NRXN3: variants seen among roughly 807,000 people sequenced by gnomAD.
NRXN3 encodes neurexin 3, also known as neurexin III.
NRXN3 carries 32 observed loss-of-function variants against 137.6 expected under a neutral mutation model. The ratio of observed to expected loss-of-function variants is 0.23; its 90% CI spans 0.18 to 0.31. The LOEUF is 0.31. Among genes scored for constraint, NRXN3 ranks in the 10% least tolerant of loss-of-function variants. The probability of loss-of-function intolerance (pLI) is 1.00; values close to 1 mark genes in which losing one functional copy is unlikely to be tolerated. For synonymous variants in NRXN3, 798 were observed against 784.5 expected (o/e 1.02, Z -0.29); for missense variants, 1,574 against 2,062.5 (o/e 0.76, Z 4.59).
chr14:78,588,287 C>T (rs1399340262), intron 4 of NRXN3, among the ~76,000 whole-genome samples: 1 of 152,204 alleles, frequency 6.6e-6, no homozygotes, highest in African/African-American at 2.4e-5. Flanking sequence ...GTTCCACCCT[C>T]ATCATGTTAT....
intron 1 of NRXN3, among the ~76,000 whole-genome samples, chr14:78,181,758 T>A (rs146108524): frequency 2.0e-5 from 3 of 152,334 alleles, no homozygotes; most frequent in Non-Finnish European, 2.9e-5. Context: ...GGGCTCATTT[T>A]AAATTTTTCT....
intron 15 of NRXN3, among the ~76,000 whole-genome samples, chr14:79,361,211 G>C (rs540058329): frequency 2.0e-5 from 3 of 152,272 alleles, no homozygotes; most frequent in African/African-American, 7.2e-5. Context: ...AAACCATAAT[G>C]CATGCATGTA....
chr14:78,677,953 T>C (rs1217999368), intron 6 of NRXN3, among the ~76,000 whole-genome samples: 1 of 152,162 alleles, frequency 6.6e-6, no homozygotes, highest in Non-Finnish European at 1.5e-5. Flanking sequence ...AATTAAGGTT[T>C]GTACATTGTG....
chr14:78,448,421 T>C (rs2094472787), intron 4 of NRXN3, among the ~76,000 whole-genome samples: 1 of 152,120 alleles, frequency 6.6e-6, no homozygotes, highest in Non-Finnish European at 1.5e-5. Context: ...ATTAAGAACA[T>C]TGGGTTTGGG....
chr14:78,754,916 C>T (rs1221903223), intron 8 of NRXN3, among the ~76,000 whole-genome samples: 1 of 151,332 alleles, frequency 6.6e-6, no homozygotes, highest in Non-Finnish European at 1.5e-5. Flanking sequence ...GGAGGTTTTC[C>T]CATCAAGAGG....
intron 17 of NRXN3, among the ~76,000 whole-genome samples, chr14:79,666,198 T>C (rs1014704800): frequency 6.6e-6 from 1 of 152,116 alleles, no homozygotes; most frequent in Non-Finnish European, 1.5e-5. Flanking sequence ...GATTCTTTCT[T>C]CCCAAATTCT....
intron 8 of NRXN3, among the ~76,000 whole-genome samples, chr14:78,716,464 G>C (rs2098434582): frequency 6.6e-6 from 1 of 152,210 alleles, no homozygotes; most frequent in Admixed American, 6.5e-5. Flanking sequence ...GAGGAGTTGA[G>C]ACATCTATAT....
At chr14:79,543,628 C>G (rs1189177156) in intron 16 of NRXN3, among the ~76,000 whole-genome samples, 2 of 152,104 alleles carry the variant, frequency 1.3e-5, no homozygotes, top group Non-Finnish European at 2.9e-5. Flanking sequence ...CAGCTGAGAC[C>G]TTGAAAAATT....
intron 6 of NRXN3, among the ~76,000 whole-genome samples, chr14:78,685,446 A>G (rs182706098): frequency 2.2e-4 from 34 of 151,894 alleles, no homozygotes; most frequent in African/African-American, 5.8e-4. Flanking sequence ...CTCATCTCCA[A>G]TGTGCACCTC....
chr14:79,853,217 C>A (rs754848296), intron 20 of NRXN3, among the ~76,000 whole-genome samples: 1 of 152,168 alleles, frequency 6.6e-6, no homozygotes, highest in African/African-American at 2.4e-5. Context: ...CTCCCCCACT[C>A]TAGATGGGGC....
intron 19 of NRXN3, among the ~76,000 whole-genome samples, chr14:79,715,929 C>T (rs1381913033): frequency 6.6e-6 from 1 of 152,190 alleles, no homozygotes; most frequent in Non-Finnish European, 1.5e-5. Flanking sequence ...GTATCGCGTT[C>T]CTCTGGCTTT....
At chr14:79,376,062 T>A (rs1374993828) in intron 15 of NRXN3, among the ~76,000 whole-genome samples, 1 of 127,796 alleles carries the variant, frequency 7.8e-6, no homozygotes, top group Non-Finnish European at 1.8e-5. Context: ...AAGTAATATA[T>A]ATCTCTCACA....
At chr14:78,531,044 C>A (rs190602478) in intron 4 of NRXN3, among the ~76,000 whole-genome samples, 7 of 152,256 alleles carry the variant, frequency 4.6e-5, no homozygotes, top group African/African-American at 1.7e-4. Context: ...ATCTTTGATG[C>A]CTTTCCTTCA....
chr14:78,304,393 A>G (rs1302672609), intron 4 of NRXN3, among the ~76,000 whole-genome samples: 1 of 152,252 alleles, frequency 6.6e-6, no homozygotes, highest in African/African-American at 2.4e-5. Context: ...AAGAATTGTC[A>G]AGTTAAATCT....
At chr14:79,175,253 T>TACA (rs1257064295) in intron 15 of NRXN3, among the ~76,000 whole-genome samples, 1 of 152,178 alleles carries the variant, frequency 6.6e-6, no homozygotes, top group African/African-American at 2.4e-5. Context: ...GTGCTGGGAT[T>TACA]ACAGGCATGA....
chr14:78,741,518 G>A (rs1355544087), intron 8 of NRXN3, among the ~76,000 whole-genome samples: 1 of 151,962 alleles, frequency 6.6e-6, no homozygotes, highest in Non-Finnish European at 1.5e-5. Flanking sequence ...TCACTTTATT[G>A]AGGTATGACT....
In NRXN3 at chr14:78,414,374, C is replaced by T. The variant is rs538899364; in HGVS notation, c.757+116514C>T. On this transcript the variant is annotated intron_variant, in intron 4 of 20. Coordinates refer to ENST00000335750, the MANE Select transcript of NRXN3 (RefSeq NM_001330195.2). ...AAGGGCAGGGTGGTTGTTGTGCACA[C>T]TGTCCTGATCTTTGGACCTAGAACT... Among the ~76,000 whole-genome samples, 13 of 152,284 alleles carry T rather than the reference C, an allele frequency of 8.5e-5. No individual in the cohort carries two copies. The East Asian group carries it at 2.3e-3, about 27-fold the overall frequency.
chr14:78,572,624 A>G (rs186269911), intron 4 of NRXN3, among the ~76,000 whole-genome samples: 168 of 152,318 alleles, frequency 1.1e-3, no homozygotes, highest in African/African-American at 3.8e-3. Flanking sequence ...CACACATATA[A>G]TACACTAACA....
intron 2 of NRXN3, among the ~76,000 whole-genome samples, chr14:78,253,355 T>G (rs1567087133): frequency 6.6e-6 from 1 of 152,192 alleles, no homozygotes; most frequent in Non-Finnish European, 1.5e-5. Flanking sequence ...CTAGGTAATG[T>G]ACTGGAAACC....
Sources: allele counts gnomAD v4.1 joint callset (sites outside exome capture counted in the v4.1 genomes callset), GRCh38; gene constraint gnomAD v4.1.1; transcripts MANE v1.5; gene names NCBI Gene and HGNC (gene_info 2026-07-23, HGNC 2026-07-21).